TRIM58: variants seen among roughly 807,000 people sequenced by gnomAD.
TRIM58 encodes the protein tripartite motif containing 58, also known as E3 ubiquitin-protein ligase TRIM58.
Under a neutral mutation model 34.1 loss-of-function variants are expected in TRIM58, and 38 were observed. The ratio of observed to expected loss-of-function variants is 1.12; its 90% confidence interval spans 0.86 to 1.46. The LOEUF is 1.46. TRIM58 is among the 40% of genes most tolerant of loss of function. The pLI is 0.00. For missense variants in TRIM58, 677 were observed against 642.0 expected (o/e 1.05, Z -0.59); for synonymous variants, 273 against 275.7 (o/e 0.99, Z 0.10).
intron 2 of TRIM58, among the ~76,000 whole-genome samples, chr1:247,862,957 C>T (rs1042740292): frequency 6.6e-6 from 1 of 152,126 alleles, no homozygotes; most frequent in Non-Finnish European, 1.5e-5. Context: ...ATGACTCTAC[C>T]CTTCTCCAGT....
At chr1:247,858,541 T>C (rs1317140106) in intron 1 of TRIM58, among the ~76,000 whole-genome samples, 1 of 152,172 alleles carries the variant, frequency 6.6e-6, no homozygotes, top group Non-Finnish European at 1.5e-5. Flanking sequence ...AAATACTTTC[T>C]TAAAATTTTT....
At chr1:247,874,555 C>T (rs1239310355) in intron 5 of TRIM58, among the ~76,000 whole-genome samples, 2 of 152,154 alleles carry the variant, frequency 1.3e-5, no homozygotes, top group African/African-American at 2.4e-5. Context: ...TAAGGAAATG[C>T]ACTGAATATT....
At position 247,877,965 on chromosome 1, in the gene TRIM58, C is replaced by G. The variant is rs1021858215; in HGVS notation, c.*1476C>G. On this transcript the variant is annotated 3_prime_UTR_variant, in exon 6 of 6. Coordinates refer to ENST00000366481, the MANE Select transcript of TRIM58 (RefSeq NM_015431.4). ...CACGAGGTCAGGAGATTGAGACCAT[C>G]CTGGCTAACACAGTGAAACCCCGTC... The G allele has an allele frequency of 4.6e-5, 7 of 151,944 alleles. No homozygotes were observed. The highest frequency in any genetic ancestry group is 1.5e-4 in the African/African-American group (6 of 41,344). 9.4% of individuals were successfully genotyped at this position (151,944 alleles called of 1,614,324 possible).
At chr1:247,863,879 GCAT>G (rs1663856195) in intron 2 of TRIM58, among the ~76,000 whole-genome samples, 1 of 152,198 alleles carries the variant, frequency 6.6e-6, no homozygotes, top group Non-Finnish European at 1.5e-5. Context: ...AGTGGCCTGA[GCAT>G]CACTTAGTTC....
In TRIM58 at chr1:247,857,525, G is replaced by A; in HGVS notation, c.279G>A (p.Ala93=). 3 of 1,284,206 alleles carry A rather than the reference G, an allele frequency of 2.3e-6. No individual in the cohort carries two copies. Among genetic ancestry groups the A allele is most frequent in the Non-Finnish European group, 9.8e-7 (1 of 1,019,516 alleles). The allele number at this position is 1,284,206 out of a possible 1,614,324, so 79.6% of individuals were successfully genotyped here. A position where few individuals can be genotyped will look rare whatever the true frequency, so the allele number is the denominator to read the frequency against. Residue 93 remains alanine, a synonymous_variant, in exon 1 of 6, where the codon GCG becomes GCA. Transcript: ENST00000366481. The part of the protein sequence containing the change: ...RRLGLGAGPG[A]RRCARHGEDL... ...TGGGGTTGGGCGCGGGGCCCGGGGC[G>A]CGGCGATGCGCGCGGCACGGCGAGG...
chr1:247,878,454 G>A lies in TRIM58; in HGVS notation c.*1965G>A, dbSNP rs991595424. Among the ~76,000 whole-genome samples, 4 of 152,006 alleles carry A rather than the reference G, an allele frequency of 2.6e-5. No individual in the cohort carries two copies. The highest frequency in any genetic ancestry group is 9.7e-5 in the African/African-American group (4 of 41,364). On this transcript the variant is annotated 3_prime_UTR_variant, in exon 6 of 6. Coordinates refer to ENST00000366481, the MANE Select transcript of TRIM58 (RefSeq NM_015431.4). ...ATTTTTTAATTGTTTGATCATGAGC[G>A]AACACTTCTACTCTCTGTGATAGAT...
Position 247,878,960 on chromosome 1 carries a change from C to T in TRIM58, c.*2471C>T, listed in dbSNP as rs1370435314. On this transcript the variant is annotated 3_prime_UTR_variant, in exon 6 of 6. Coordinates refer to ENST00000366481, the MANE Select transcript of TRIM58 (RefSeq NM_015431.4). ...CTTTCCAACTCCTGAAAGATTGCCA[C>T]TATTTCCTCTGGAACTTTGTTTCGT... is the stretch of plus-strand genomic sequence containing the variant. 2.0e-5 allele frequency among the ~76,000 whole-genome samples: 3 copies of T among 152,218 alleles called. No homozygotes were observed. Among genetic ancestry groups the T allele is most frequent in the Non-Finnish European group, 2.9e-5 (2 of 68,042 alleles).
intron 5 of TRIM58, among the ~76,000 whole-genome samples, chr1:247,871,763 A>G (rs986614135): frequency 6.6e-6 from 1 of 152,246 alleles, no homozygotes; most frequent in East Asian, 1.9e-4. Context: ...TCATTCAACA[A>G]CAACAACAAA....
At chr1:247,875,371 T>G (rs188718705) in intron 5 of TRIM58, among the ~76,000 whole-genome samples, 1 of 152,260 alleles carries the variant, frequency 6.6e-6, no homozygotes, top group Non-Finnish European at 1.5e-5. Context: ...ACTCAAATGC[T>G]TTGGATGTAA....
intron 2 of TRIM58, among the ~76,000 whole-genome samples, chr1:247,863,062 A>G (rs1035063114): frequency 4.6e-5 from 7 of 152,226 alleles, no homozygotes; most frequent in Non-Finnish European, 7.3e-5. Context: ...GAATCAGTGT[A>G]TGGAATTCAG....
chr1:247,875,963 G>C lies in TRIM58; in HGVS notation c.935G>C (p.Ser312Thr). ...PSLLLTADLR[S>T]VQDGEPWRDV... ...CTGCTCTTGACCGCCGACCTGCGCAGTGTGCAGGATGGAGAACCATGGAGG... is the reference window on the plus strand; with the variant it reads ...CTGCTCTTGACCGCCGACCTGCGCACTGTGCAGGATGGAGAACCATGGAGG... Residue 312 changes from serine to threonine, a missense_variant, in exon 6 of 6, where the codon AGT (serine) becomes ACT (threonine). Transcript: ENST00000366481. The C allele has an allele frequency of 6.2e-7, 1 of 1,614,202 alleles. No individual in the cohort carries two copies. Among genetic ancestry groups the C allele is most frequent in the South Asian group, 1.1e-5 (1 of 91,084 alleles).
intron 5 of TRIM58, among the ~76,000 whole-genome samples, chr1:247,870,848 A>C (rs74382252): frequency 1.9e-5 from 1 of 51,550 alleles, no homozygotes; most frequent in Non-Finnish European, 3.3e-5. Context: ...ATGGCCACCC[A>C]TAGAGCCTGC....
chr1:247,869,244 C>T (rs1215832411), intron 5 of TRIM58, among the ~76,000 whole-genome samples: 2 of 152,236 alleles, frequency 1.3e-5, no homozygotes, highest in East Asian at 1.9e-4. Context: ...ACTATGTAGA[C>T]GTGATTGATT....
At chr1:247,863,758 A>G (rs919400873) in intron 2 of TRIM58, among the ~76,000 whole-genome samples, 6 of 152,322 alleles carry the variant, frequency 3.9e-5, no homozygotes, top group East Asian at 1.9e-4. Flanking sequence ...AGAGAAGAAA[A>G]TCTAGAAACT....
chr1:247,866,853 C>G (rs116483274), intron 3 of TRIM58, among the ~76,000 whole-genome samples: 1,697 of 152,196 alleles, frequency 0.011, 20 homozygotes, highest in African/African-American at 0.037. Flanking sequence ...CCTTTCTTCC[C>G]TGGTACTAAT....
chr1:247,862,947 A>G (rs1663829998), intron 2 of TRIM58, among the ~76,000 whole-genome samples: 2 of 152,134 alleles, frequency 1.3e-5, no homozygotes, highest in African/African-American at 4.8e-5. Flanking sequence ...TGCCCCAGGT[A>G]TGACTCTACC....
chr1:247,873,253 T>C (rs2103334347), intron 5 of TRIM58, among the ~76,000 whole-genome samples: 1 of 151,902 alleles, frequency 6.6e-6, no homozygotes, highest in South Asian at 2.1e-4. Flanking sequence ...AACTGACAAG[T>C]AACCATTCAT....
intron 1 of TRIM58, among the ~76,000 whole-genome samples, chr1:247,859,349 C>T (rs796069136): frequency 5.9e-5 from 9 of 152,288 alleles, no homozygotes; most frequent in African/African-American, 2.2e-4. Flanking sequence ...CACCAAAACA[C>T]ATGCCACTTT....
intron 2 of TRIM58, 152 bp downstream of exon 2, chr1:247,860,864 C>G (rs1208936140): frequency 3.1e-5 from 18 of 587,276 alleles, no homozygotes; most frequent in Non-Finnish European, 1.2e-5. Flanking sequence ...GTCATCCCGT[C>G]CCCTCAAATG....
Sources: allele counts gnomAD v4.1 joint callset (sites outside exome capture counted in the v4.1 genomes callset), GRCh38; gene constraint gnomAD v4.1.1; transcripts MANE v1.5; gene names NCBI Gene and HGNC (gene_info 2026-07-23, HGNC 2026-07-21).